Variants in SLC49A3 observed in about 807,000 individuals in gnomAD.
SLC49A3 encodes solute carrier family 49 member A3.
A neutral mutation model predicts 43.8 loss-of-function variants in SLC49A3; 50 were observed. The ratio of observed to expected loss-of-function variants is 1.14; its 90% CI spans 0.91 to 1.45. The LOEUF (loss-of-function observed/expected upper bound fraction) is 1.45, where lower values mean the gene tolerates loss of function less well. Ranked by LOEUF, SLC49A3 falls within the 40% of genes most tolerant of loss-of-function variation. The pLI is 0.00. For missense variants in SLC49A3, 906 were observed against 774.1 expected, an observed-to-expected ratio of 1.17 and a Z score of -2.02; for synonymous variants, 413 against 352.0, an observed-to-expected ratio of 1.17 and a Z score of -1.94.
At position 688,880 on chromosome 4, in the gene SLC49A3, C is replaced by T. The variant is rs1212474409; in HGVS notation, c.135+113G>A. On this transcript the variant is annotated intron_variant, in intron 1 of 9. Transcript: ENST00000322224. ...TCCCTAGCCACCTCCAGAAGGCACC[C>T]CCCGCCCCCAGCCAGCACCTGGCAC... 4 of 1,415,402 alleles carry T rather than the reference C, an allele frequency of 2.8e-6. No individual in the cohort carries two copies. The African/African-American group carries it at 4.5e-5, about 16-fold the overall frequency. The allele number at this position is 1,415,402 out of a possible 1,614,324, so 87.7% of individuals were successfully genotyped here.
chr4:684,439 G>A (rs375262576), intron 6 of SLC49A3, 44 bp downstream of exon 6: 125 of 1,607,262 alleles, frequency 7.8e-5, no homozygotes, highest in Admixed American at 1.2e-4. Flanking sequence ...GCCATATGGG[G>A]CGGATGACAG....
chr4:678,145 G>A (rs977811264), downstream of SLC49A3: 2 of 1,551,420 alleles, frequency 1.3e-6, no homozygotes, highest in African/African-American at 2.7e-5. Context: ...GAATGCAGGT[G>A]TGGGCGTGTG....
downstream of SLC49A3, among the ~76,000 whole-genome samples, chr4:679,416 G>A (rs191717620): frequency 6.6e-6 from 1 of 152,242 alleles, no homozygotes; most frequent in African/African-American, 2.4e-5. Flanking sequence ...AGCTGACAGA[G>A]GGCGTGGAGA....
chr4:689,142 A>G lies in SLC49A3; in HGVS notation c.-15T>C, dbSNP rs1361623957. 2 of 1,347,340 alleles carry G rather than the reference A, an allele frequency of 1.5e-6. No individual in the cohort carries two copies. Among genetic ancestry groups the G allele is most frequent in the African/African-American group, 1.5e-5 (1 of 64,940 alleles). 83.5% of individuals were successfully genotyped at this position (1,347,340 alleles called of 1,614,324 possible). A position where few individuals can be genotyped will look rare whatever the true frequency, so the allele number is the denominator to read the frequency against. On this transcript the variant is annotated 5_prime_UTR_variant, in exon 1 of 10. Transcript: ENST00000322224. ...GGCCCCGCCATCGTCGGCGGCCTCC[A>G]CGGGTCTCCGCCGGTCCCGCCGGCC...
downstream of SLC49A3, chr4:676,855 G>A: frequency 1.0e-6 from 1 of 984,874 alleles, no homozygotes; most frequent in Non-Finnish European, 1.2e-6. Flanking sequence ...CTCCTGGGCA[G>A]GTCATGCCTC....
chr4:683,859 G>A (rs1740400302), intron 6 of SLC49A3, 98 bp from the exon 7 acceptor site: 9 of 1,399,170 alleles, frequency 6.4e-6, no homozygotes, highest in South Asian at 3.0e-5. Context: ...CGTGTGCTGT[G>A]CCCAAGGCCC....
At chr4:687,053 C>A (rs373778262) in intron 1 of SLC49A3, among the ~76,000 whole-genome samples, 1 of 152,210 alleles carries the variant, frequency 6.6e-6, no homozygotes, top group African/African-American at 2.4e-5. Context: ...GACTGCAGGC[C>A]AGCCCCACCC....
chr4:679,137 C>T (rs533639266), downstream of SLC49A3: 40 of 865,692 alleles, frequency 4.6e-5, no homozygotes, highest in African/African-American at 8.2e-4. Flanking sequence ...CCAGGGCCCG[C>T]GCCTCAGAGG....
At position 682,777 on chromosome 4, in the gene SLC49A3, T is replaced by C. The variant is rs781677044; in HGVS notation, c.1261+4A>G. 17 of 1,567,026 alleles carry C rather than the reference T, an allele frequency of 1.1e-5. No individual in the cohort carries two copies. The highest frequency in any genetic ancestry group is 1.4e-5 in the Non-Finnish European group (16 of 1,150,372). On this transcript the variant is annotated splice_donor_region_variant and intron_variant, in intron 9 of 9. Coordinates refer to ENST00000322224, the MANE Select transcript of SLC49A3 (RefSeq NM_032219.4). ...TCCCTGGGGACTCCCCATGTGAGGCTCACCTGTCCAGTCAAGTGGATCCTC... is the reference window on the plus strand; with the variant it reads ...TCCCTGGGGACTCCCCATGTGAGGCCCACCTGTCCAGTCAAGTGGATCCTC...
At chr4:684,332 CAG>C (rs959959275) in intron 6 of SLC49A3, 149 bp downstream of exon 6, 10 of 1,065,644 alleles carry the variant, frequency 9.4e-6, no homozygotes, top group South Asian at 3.1e-5. Flanking sequence ...TAATGTCACA[CAG>C]GGCATCTCGG....
At chr4:680,917 G>A (rs1447449971), downstream of SLC49A3, 3 of 733,610 alleles carry the variant, frequency 4.1e-6, no homozygotes, top group African/African-American at 5.3e-5. Context: ...TCCCCCAGAA[G>A]TGATGGCCCC....
chr4:680,076 C>T (rs186671493), downstream of SLC49A3: 13 of 1,387,468 alleles, frequency 9.4e-6, no homozygotes, highest in South Asian at 7.7e-5. Flanking sequence ...GTTAGAGATC[C>T]GGACATTTCA....
At position 688,940 on chromosome 4, in the gene SLC49A3, T is replaced by C. The variant is rs1577376397; in HGVS notation, c.135+53A>G. On this transcript the variant is annotated intron_variant, in intron 1 of 9. Coordinates refer to ENST00000322224, the MANE Select transcript of SLC49A3 (RefSeq NM_032219.4). ...TGGCCACAGGAAAACAAAACCCGGC[T>C]GGTCCGAGGGACTGAGGGTCCCGGA... The C allele has an allele frequency of 6.4e-6, 10 of 1,554,276 alleles. No individual in the cohort carries two copies. In the East Asian group the frequency reaches 2.6e-4, roughly 40 times the overall value.
In SLC49A3 at chr4:684,471, G is replaced by C. The variant is rs1035504193; in HGVS notation, c.840+12C>G. 5 of 1,612,414 alleles carry C rather than the reference G, an allele frequency of 3.1e-6. No homozygotes were observed. In the African/African-American group the frequency reaches 6.7e-5, roughly 21 times the overall value. Reference sequence around the variant, plus strand: ...ACAGAGGCAGGGTCCCCAGGGGTGGGGCCAGGCTCACACTGGAGTGGCCGC... The same window carrying C: ...ACAGAGGCAGGGTCCCCAGGGGTGGCGCCAGGCTCACACTGGAGTGGCCGC... On this transcript the variant is annotated intron_variant, in intron 6 of 9. Coordinates refer to ENST00000322224, the MANE Select transcript of SLC49A3 (RefSeq NM_032219.4).
chr4:683,841 T>C, intron 6 of SLC49A3, 80 bp from the exon 7 acceptor site: 3 of 1,466,054 alleles, frequency 2.0e-6, no homozygotes, highest in South Asian at 2.8e-5. Flanking sequence ...GGGGGCTCAG[T>C]GTAGGGCCGT....
chr4:681,697 GCCGCCCCGCCCCCTC>G (rs1560157950), downstream of SLC49A3: 2 of 43,624 alleles, frequency 4.6e-5, no homozygotes, highest in African/African-American at 2.1e-4. Flanking sequence ...CCCCTCCAGC[GCCGCCCCGCCCCCTC>G]CAGCGCCGCC....
chr4:679,683 CTG>C (rs1739245769), downstream of SLC49A3, among the ~76,000 whole-genome samples: 2 of 152,222 alleles, frequency 1.3e-5, no homozygotes, highest in Admixed American at 1.3e-4. Context: ...TTCCCAGGCT[CTG>C]TGTCACCTCC....
chr4:686,547 G>A lies in SLC49A3; in HGVS notation c.279C>T (p.Val93=), dbSNP rs199527986. 79 of 1,612,720 alleles carry A rather than the reference G, an allele frequency of 4.9e-5. No individual in the cohort carries two copies. The East Asian group carries it at 1.3e-3, about 27-fold the overall frequency. ...GVAAIWILDS[V]GLRAATILGA... is the part of the protein sequence containing the mutation. ...TCTGACTCACCGCCGCACGGAGCCC[G>A]ACGGAGTCCAGGATCCAGATGGCCG... The change falls in exon 2 of 10, where the codon GTC becomes GTT. Residue 93 remains valine, a synonymous_variant. Transcript: ENST00000322224.
In SLC49A3 at chr4:682,841, G is replaced by C. The variant is rs772057703; in HGVS notation, c.1201C>G (p.Arg401Gly). ...GTGGACAAGGACGGCTCCGAGCGTCGCACAGTCAGTGCCGTCATTGCCAGC... is the reference window on the plus strand; with the variant it reads ...GTGGACAAGGACGGCTCCGAGCGTCCCACAGTCAGTGCCGTCATTGCCAGC... Reference protein sequence around the residue: ...IMLAMTALTVRRSEPSLSTCQ... With the variant: ...IMLAMTALTVGRSEPSLSTCQ... Residue 401 changes from arginine (R) to glycine (G), a missense_variant, in exon 9 of 10, where the codon CGA (arginine) becomes GGA (glycine). Coordinates refer to ENST00000322224, the MANE Select transcript of SLC49A3 (RefSeq NM_032219.4). 2 of 1,604,774 alleles carry C rather than the reference G, an allele frequency of 1.2e-6. No homozygotes were observed. Among genetic ancestry groups the C allele is most frequent in the East Asian group, 2.2e-5 (1 of 44,594 alleles).
Sources: gnomAD v4.1 joint callset for allele counts (sites outside exome capture counted in the v4.1 genomes callset) on GRCh38, gnomAD v4.1.1 for gene constraint, MANE v1.5 for transcripts, NCBI Gene and HGNC (gene_info 2026-07-23, HGNC 2026-07-21) for gene names.